The following ANKHD1 variants were observed in gnomAD, a reference collection of about 807,000 sequenced individuals.
The protein encoded by ANKHD1 is ankyrin repeat and KH domain containing 1.
ANKHD1 carries 31 observed loss-of-function variants against 230.5 expected under a neutral mutation model. The observed-to-expected ratio is 0.13, with a 90% CI of 0.10 to 0.18. The LOEUF (loss-of-function observed/expected upper bound fraction) is 0.18. Among genes scored for constraint, ANKHD1 ranks in the 10% least tolerant of loss-of-function variants. The pLI, the probability that ANKHD1 is intolerant of heterozygous loss-of-function variation, is 1.00. For missense variants in ANKHD1, 2,256 were observed against 3,071.3 expected (o/e 0.73, Z 6.27); for synonymous variants, 1,074 against 1,117.6 (o/e 0.96, Z 0.78).
chr5:140,419,037 C>G (rs1370117482), intron 1 of ANKHD1, among the ~76,000 whole-genome samples: 1 of 152,202 alleles, frequency 6.6e-6, no homozygotes, highest in Non-Finnish European at 1.5e-5. Context: ...GTCCTACTGC[C>G]AATTCTCTGC....
In ANKHD1 at chr5:140,438,471, A is replaced by G. The variant is rs1773618405; in HGVS notation, c.471A>G (p.Lys157=). ...TGATGCACACTGAAGGAATTGGCAA[A>G]TTGTCAACTGCTGATGGTAAAGCTT... ...EALLEAAGIG[K]LSTADGKAFA... is the part of the protein sequence containing the mutation. The change falls in exon 3 of 34, where the codon AAA becomes AAG. Residue 157 remains lysine (K), a synonymous_variant. Transcript: ENST00000360839. 2 of 1,605,744 alleles carry G rather than the reference A, an allele frequency of 1.2e-6. No homozygotes were observed. The highest frequency in any genetic ancestry group is 1.7e-6 in the Non-Finnish European group (2 of 1,175,738).
At chr5:140,431,459 A>G (rs1469138963) in intron 1 of ANKHD1, among the ~76,000 whole-genome samples, 1 of 152,222 alleles carries the variant, frequency 6.6e-6, no homozygotes, top group Non-Finnish European at 1.5e-5. Flanking sequence ...AAAGAATTGT[A>G]ATTACACAGA....
intron 1 of ANKHD1, among the ~76,000 whole-genome samples, chr5:140,405,840 C>T (rs1770390641): frequency 6.6e-6 from 1 of 152,086 alleles, no homozygotes; most frequent in African/African-American, 2.4e-5. Context: ...GTCACGTTGG[C>T]CAGGCTGGTC....
chr5:140,422,683 A>C (rs543361574), intron 1 of ANKHD1, among the ~76,000 whole-genome samples: 2 of 150,762 alleles, frequency 1.3e-5, no homozygotes, highest in African/African-American at 4.9e-5. Flanking sequence ...AGTGGTACGC[A>C]CCTGTAATCC....
intron 24 of ANKHD1, among the ~76,000 whole-genome samples, chr5:140,517,106 A>C (rs1358416601): frequency 3.4e-5 from 5 of 147,028 alleles, no homozygotes; most frequent in Non-Finnish European, 7.5e-5. Context: ...TCTACCAAGC[A>C]AATGGAAAAC....
intron 22 of ANKHD1, among the ~76,000 whole-genome samples, chr5:140,512,196 G>A (rs1434800204): frequency 3.3e-5 from 5 of 150,780 alleles, no homozygotes; most frequent in Admixed American, 6.6e-5. Flanking sequence ...AGAGCGTGCC[G>A]TGGCACTCCA....
rs370627098 is a variant in ANKHD1 at position 140,485,635 on chromosome 5, A to G, written c.2045A>G (p.Asn682Ser). The change falls in exon 13 of 34, where the codon AAT becomes AGT. Residue 682 changes from asparagine to serine, a missense_variant. By Grantham distance (46) the Asn-to-Ser change is conservative. Coordinates refer to ENST00000360839, the MANE Select transcript of ANKHD1 (RefSeq NM_017747.3). This position sits in a 1 kb window ranked among gnomAD's most constrained non-coding sequence, Gnocchi z 4.8. ...GAAGCTGCAAAGGGTGGCCATACTA[A>G]TGTAGTTTCTTATCTGTTGGATTAT... is the stretch of plus-strand genomic sequence containing the variant. ...LIEAAKGGHT[N>S]VVSYLLDYPN... 8 of 1,613,904 alleles carry G rather than the reference A, an allele frequency of 5.0e-6. No homozygotes were observed. The highest frequency in any genetic ancestry group is 6.8e-6 in the Non-Finnish European group (8 of 1,179,976).
intron 17 of ANKHD1, 102 bp from the exon 18 acceptor site, chr5:140,505,622 C>T: frequency 6.8e-7 from 1 of 1,461,530 alleles, no homozygotes; most frequent in Non-Finnish European, 9.0e-7. Flanking sequence ...AGTGTCTGCC[C>T]TGAAGGATTT....
chr5:140,472,326 C>G (rs1272420935), intron 10 of ANKHD1: 1 of 1,611,866 alleles, frequency 6.2e-7, no homozygotes. Context: ...TTGTAAGCTA[C>G]TACGTAAAGA....
intron 1 of ANKHD1, among the ~76,000 whole-genome samples, chr5:140,411,102 A>G (rs1436481369): frequency 2.6e-5 from 4 of 152,354 alleles, no homozygotes; most frequent in Non-Finnish European, 2.9e-5. Context: ...GTAAAGTAAA[A>G]TGGAGAAAAT....
chr5:140,480,029 G>A (rs1309379204), intron 10 of ANKHD1, among the ~76,000 whole-genome samples: 1 of 151,802 alleles, frequency 6.6e-6, no homozygotes, highest in Non-Finnish European at 1.5e-5. Context: ...CCCATAGGGA[G>A]TGTGCCCACA....
At position 140,461,060 on chromosome 5, in the gene ANKHD1, T is replaced by C. The variant is rs74857712; in HGVS notation, c.1672+1705T>C. ...CTAAAGTCGTGCTATTGTAACGTGT[T>C]TTTAAAAGAAGGAATAAATGTTTAT... On this transcript the variant is annotated intron_variant, in intron 9 of 33. Coordinates refer to ENST00000360839, the MANE Select transcript of ANKHD1 (RefSeq NM_017747.3). Among the ~76,000 whole-genome samples, 519 of 152,328 alleles carry C rather than the reference T, an allele frequency of 3.4e-3. 5 individuals are homozygous for C. The highest frequency in any genetic ancestry group is 0.012 in the African/African-American group (492 of 41,564).
intron 22 of ANKHD1, among the ~76,000 whole-genome samples, chr5:140,510,934 C>T (rs1365927528): frequency 2.7e-5 from 4 of 150,930 alleles, no homozygotes; most frequent in Non-Finnish European, 4.4e-5. Context: ...TTGATCCTCC[C>T]GCCTCAGCCT....
At chr5:140,419,742 CTTTCT>C (rs1451175148) in intron 1 of ANKHD1, among the ~76,000 whole-genome samples, 4 of 151,324 alleles carry the variant, frequency 2.6e-5, no homozygotes, top group Admixed American at 2.6e-4. Flanking sequence ...TTCTCTCTCT[CTTTCT>C]TTTCTTTTCT....
rs999826839 is a variant in ANKHD1 at position 140,485,606 on chromosome 5, C to T, written c.2016C>T (p.Leu672=). The part of the protein sequence containing the change: ...THRLKDGSTM[L]IEAAKGGHTN... ...TTTTTCAGGATGGTTCAACAATGCTCATTGAAGCTGCAAAGGGTGGCCATA... is the reference window on the plus strand; with the variant it reads ...TTTTTCAGGATGGTTCAACAATGCTTATTGAAGCTGCAAAGGGTGGCCATA... The change falls in exon 13 of 34, where the codon CTC becomes CTT. Residue 672 remains leucine (L), a synonymous_variant. Transcript: ENST00000360839. The surrounding 1 kb of genome is among the most constrained non-coding windows in gnomAD (Gnocchi z 4.8). 2.5e-6 allele frequency: 4 copies of T among 1,613,814 alleles called. No individual in the cohort carries two copies. In the African/African-American group the frequency reaches 5.3e-5, roughly 22 times the overall value.
chr5:140,429,856 A>T (rs1447775989), intron 1 of ANKHD1, among the ~76,000 whole-genome samples: 1 of 152,220 alleles, frequency 6.6e-6, no homozygotes, highest in Non-Finnish European at 1.5e-5. Context: ...TTTAATGTGG[A>T]CGTGAGTTTT....
At chr5:140,459,500 A>G in intron 9 of ANKHD1, 145 bp downstream of exon 9, 1 of 1,066,958 alleles carries the variant, frequency 9.4e-7, no homozygotes, top group Non-Finnish European at 1.2e-6. Flanking sequence ...GAGAGTACAC[A>G]AGGAGAGGGG....
Position 140,528,409 on chromosome 5 carries a change from G to T in ANKHD1, c.5463G>T (p.Thr1821=). The part of the protein sequence containing the change: ...APTLVTSQAT[T]LSTFQPANKL... ...CTCTTGTAACTTCACAGGCAACAAC[G>T]TTATCTACGTTCCAGCCCGCTAATA... Residue 1821 remains threonine (T), a synonymous_variant, in exon 29 of 34, where the codon ACG becomes ACT. Coordinates refer to ENST00000360839, the MANE Select transcript of ANKHD1 (RefSeq NM_017747.3). 1 of 1,614,044 alleles carries T rather than the reference G, an allele frequency of 6.2e-7. No homozygotes were observed. Among genetic ancestry groups the T allele is most frequent in the Non-Finnish European group, 8.5e-7 (1 of 1,179,996 alleles).
intron 14 of ANKHD1, among the ~76,000 whole-genome samples, chr5:140,496,225 G>A (rs1181769566): frequency 6.6e-6 from 1 of 151,552 alleles, no homozygotes; most frequent in Non-Finnish European, 1.5e-5. Context: ...CCTTTTCCCC[G>A]CCCCTGACTT....
Sources: allele counts gnomAD v4.1 joint callset (sites outside exome capture counted in the v4.1 genomes callset), GRCh38; gene constraint gnomAD v4.1.1; non-coding constraint Gnocchi (gnomAD v3.1); transcripts MANE v1.5; gene names NCBI Gene and HGNC (gene_info 2026-07-23, HGNC 2026-07-21).